The following ZFP91 variants were observed in gnomAD, a reference collection of about 807,000 sequenced individuals.
ZFP91 encodes the protein E3 ubiquitin-protein ligase ZFP91.
ZFP91 carries 7 observed loss-of-function variants against 63.5 expected under a neutral mutation model. That is an observed-to-expected ratio of 0.11 (90% confidence interval 0.06 to 0.21). ZFP91 has a LOEUF of 0.21. ZFP91 is among the 10% of genes least tolerant of loss of function. The pLI is 1.00. For synonymous variants in ZFP91, 330 were observed against 272.1 expected (o/e 1.21, Z -2.10); for missense variants, 628 against 736.6 (o/e 0.85, Z 1.71).
At chr11:58,602,952 C>G (rs1206145789) in intron 2 of ZFP91, among the ~76,000 whole-genome samples, 1 of 152,012 alleles carries the variant, frequency 6.6e-6, no homozygotes, top group East Asian at 1.9e-4. Context: ...GCACTCCAGC[C>G]TGGGCAACAA....
At chr11:58,600,306 A>G (rs1047611215) in intron 2 of ZFP91, among the ~76,000 whole-genome samples, 4 of 151,960 alleles carry the variant, frequency 2.6e-5, no homozygotes, top group African/African-American at 9.7e-5. Flanking sequence ...ATTTTTCAAT[A>G]TTTTATTCCT....
At chr11:58,594,502 T>C (rs574374177) in intron 2 of ZFP91, among the ~76,000 whole-genome samples, 16 of 152,370 alleles carry the variant, frequency 1.1e-4, no homozygotes, top group African/African-American at 3.8e-4. Flanking sequence ...GCAGAACTAA[T>C]TCACCTAATG....
At position 58,579,148 on chromosome 11, in the gene ZFP91, AG is replaced by A; in HGVS notation, c.-128del. On this transcript the variant is annotated 5_prime_UTR_variant, in exon 1 of 11. Transcript: ENST00000316059. ...GCGCCCTCGGAGCCGGGCGGAGGGG[AG>A]GGGGGAAAGAGGAGCGCAGGGTGAG... 2 of 471,520 alleles carry A rather than the reference AG, an allele frequency of 4.2e-6. No individual in the cohort carries two copies. The highest frequency in any genetic ancestry group is 5.6e-6 in the Non-Finnish European group (2 of 354,448). 29.2% of individuals were successfully genotyped at this position (471,520 alleles called of 1,614,324 possible).
At chr11:58,597,590 A>G (rs1182590280) in intron 2 of ZFP91, among the ~76,000 whole-genome samples, 2 of 152,188 alleles carry the variant, frequency 1.3e-5, no homozygotes, top group Non-Finnish European at 2.9e-5. Context: ...AAGTTGTCAT[A>G]TAATGAGTTT....
At position 58,595,946 on chromosome 11, in the gene ZFP91, ACAGTTGGCC is replaced by A. The variant is rs1292968270; in HGVS notation, c.370+11064_370+11072del. On this transcript the variant is annotated intron_variant, in intron 2 of 10. Coordinates refer to ENST00000316059, the MANE Select transcript of ZFP91 (RefSeq NM_053023.5). ...ACTTCATACCTTCTTTCAAGAATGT[ACAGTTGGCC>A]CTTGAACAACATGGTAGGGTTAGGG... Among the ~76,000 whole-genome samples, 9 of 152,256 alleles carry A rather than the reference ACAGTTGGCC, an allele frequency of 5.9e-5. No individual in the cohort carries two copies. The East Asian group carries it at 1.7e-3, about 29-fold the overall frequency.
intron 3 of ZFP91, 31 bp downstream of exon 3, chr11:58,610,070 T>A: frequency 1.2e-6 from 2 of 1,602,874 alleles, no homozygotes; most frequent in Non-Finnish European, 1.7e-6. Flanking sequence ...GGCTGTTTAC[T>A]AACTAGTTGC....
chr11:58,614,363 A>C lies in ZFP91; in HGVS notation c.1102+20A>C. 3.9e-6 allele frequency: 6 copies of C among 1,557,106 alleles called. No individual in the cohort carries two copies. Among genetic ancestry groups the C allele is most frequent in the Non-Finnish European group, 4.4e-6 (5 of 1,135,868 alleles). On this transcript the variant is annotated intron_variant, in intron 9 of 10. Coordinates refer to ENST00000316059, the MANE Select transcript of ZFP91 (RefSeq NM_053023.5). ...ATACAGGTACTTTTAAAATGTGTTT[A>C]TCAAGTAGGTAATTGCACTGTGCTT...
At chr11:58,579,867 C>A (rs1263802022) in intron 1 of ZFP91, among the ~76,000 whole-genome samples, 1 of 152,154 alleles carries the variant, frequency 6.6e-6, no homozygotes, top group Non-Finnish European at 1.5e-5. Context: ...TTTTGATACA[C>A]CCCTGCACTC....
rs1590628604 is a variant in ZFP91 at position 58,611,698 on chromosome 11, GA to G, written c.818del (p.Glu273GlyfsTer66). ...GGAAGTAGAGGTGGAGGTGAAAGAA[GA>G]GGAGAATGAAATTAGAGAGGATGAG... ...KVEVEVEVKE[E>X]ENEIREDEEP... is the part of the protein sequence containing the mutation. On this transcript the variant is annotated frameshift_variant, in exon 6 of 11. Transcript: ENST00000316059. LOFTEE classifies it high-confidence loss of function. The G allele has an allele frequency of 6.2e-7, 1 of 1,612,144 alleles. No individual in the cohort carries two copies. The highest frequency in any genetic ancestry group is 8.5e-7 in the Non-Finnish European group (1 of 1,178,966).
intron 1 of ZFP91, among the ~76,000 whole-genome samples, chr11:58,582,183 G>GT (rs1313154716): frequency 3.3e-5 from 5 of 152,220 alleles, no homozygotes; most frequent in African/African-American, 1.2e-4. Context: ...ACCTTGGGGT[G>GT]TAAGGCAAAG....
At chr11:58,613,786 T>C (rs1480380523) in intron 8 of ZFP91, among the ~76,000 whole-genome samples, 1 of 152,156 alleles carries the variant, frequency 6.6e-6, no homozygotes, top group Non-Finnish European at 1.5e-5. Context: ...AAATACTGCT[T>C]AGGAAATACC....
chr11:58,583,853 G>T (rs1855159370), intron 1 of ZFP91, among the ~76,000 whole-genome samples: 1 of 151,800 alleles, frequency 6.6e-6, no homozygotes, highest in Non-Finnish European at 1.5e-5. Context: ...ATTTGTCTGG[G>T]TATTTATTTA....
chr11:58,604,820 A>C (rs1228430466), intron 2 of ZFP91, among the ~76,000 whole-genome samples: 1 of 152,214 alleles, frequency 6.6e-6, no homozygotes, highest in Non-Finnish European at 1.5e-5. Flanking sequence ...AGTGTGGCCC[A>C]GGGAAGCCAA....
At chr11:58,612,522 T>TA (rs1855683368) in intron 7 of ZFP91, 194 bp downstream of exon 7, 1 of 636,856 alleles carries the variant, frequency 1.6e-6, no homozygotes, top group Non-Finnish European at 2.7e-6. Context: ...CTAACAATCT[T>TA]AATACTTTAC....
chr11:58,590,289 C>G lies in ZFP91; in HGVS notation c.370+5405C>G, dbSNP rs142399564. 1.8e-3 allele frequency among the ~76,000 whole-genome samples: 281 copies of G among 152,284 alleles called. 1 individual carries two copies. In the Middle Eastern group the frequency reaches 0.065, roughly 35 times the overall value. ...AGAAATTCCTCTGAATTAAAACCAG[C>G]CTGAATAATCTAATGCTATCCGGGC... On this transcript the variant is annotated intron_variant, in intron 2 of 10. Coordinates refer to ENST00000316059, the MANE Select transcript of ZFP91 (RefSeq NM_053023.5).
In ZFP91 at chr11:58,618,853, T is replaced by C. The variant is rs953039949; in HGVS notation, c.*1147T>C. On this transcript the variant is annotated 3_prime_UTR_variant, in exon 11 of 11. Transcript: ENST00000316059. ...TGGTAACTAGTATGCTCTTTGAGAT[T>C]TTTACAGTGTTGAAACTTAAGAATT... The C allele has an allele frequency of 3.1e-6, 1 of 320,476 alleles. No homozygotes were observed. Among genetic ancestry groups the C allele is most frequent in the Non-Finnish European group, 6.1e-6 (1 of 163,960 alleles). The allele number at this position is 320,476 out of a possible 1,614,324, so 19.9% of individuals were successfully genotyped here.
chr11:58,611,199 C>CT (rs1257276029), intron 5 of ZFP91, 145 bp downstream of exon 5: 9 of 623,522 alleles, frequency 1.4e-5, no homozygotes, highest in Non-Finnish European at 2.4e-5. Flanking sequence ...TTTTGTAAGT[C>CT]TAACACCTTA....
intron 4 of ZFP91, 87 bp from the exon 5 acceptor site, chr11:58,610,863 G>A: frequency 8.3e-7 from 1 of 1,204,082 alleles, no homozygotes; most frequent in East Asian, 2.5e-5. Context: ...TCAGTGTTTG[G>A]CTACCTCTTA....
chr11:58,599,835 C>A (rs1855464443), intron 2 of ZFP91, among the ~76,000 whole-genome samples: 1 of 151,880 alleles, frequency 6.6e-6, no homozygotes, highest in Non-Finnish European at 1.5e-5. Flanking sequence ...GTGTTTAGGT[C>A]TTTGATCCAT....
Sources: gnomAD v4.1 joint callset for allele counts (sites outside exome capture counted in the v4.1 genomes callset) on GRCh38, gnomAD v4.1.1 for gene constraint, MANE v1.5 for transcripts, NCBI Gene and HGNC (gene_info 2026-07-23, HGNC 2026-07-21) for gene names.